The following KCNN3 variants were observed in gnomAD, a reference collection of about 807,000 sequenced individuals.
KCNN3 encodes potassium calcium-activated channel subfamily N member 3.
In KCNN3, 16 loss-of-function variants were observed where a neutral mutation model predicts 62.9. The observed-to-expected ratio is 0.25, with a 90% CI of 0.17 to 0.39. The LOEUF is 0.39. Among genes scored for constraint, KCNN3 ranks in the 10% least tolerant of loss-of-function variants. The pLI is 1.00. For synonymous variants in KCNN3, 370 were observed against 389.2 expected (o/e 0.95, Z 0.58); for missense variants, 599 against 949.4 (o/e 0.63, Z 4.85).
At chr1:154,722,037 G>A (rs1160522066) in intron 5 of KCNN3, among the ~76,000 whole-genome samples, 1 of 151,824 alleles carries the variant, frequency 6.6e-6, no homozygotes, top group Non-Finnish European at 1.5e-5. Context: ...CAGAAATTGA[G>A]TTCTTACCCA....
Position 154,703,317 on chromosome 1 carries a change from A to G in KCNN3, c.*4659T>C, listed in dbSNP as rs2101748776. On this transcript the variant is annotated 3_prime_UTR_variant, in exon 8 of 8. Transcript: ENST00000271915. ...ATGTTTATTTTGGCGGCAGTAGAGAAGGAAAGGATACTGTCTGGGGCGTCA... is the reference window on the plus strand; with the variant it reads ...ATGTTTATTTTGGCGGCAGTAGAGAGGGAAAGGATACTGTCTGGGGCGTCA... 1 of 152,238 alleles carries G rather than the reference A, an allele frequency of 6.6e-6. No individual in the cohort carries two copies. The highest frequency in any genetic ancestry group is 1.9e-4 in the East Asian group (1 of 5,182). The allele number at this position is 152,238 out of a possible 1,614,324, so 9.4% of individuals were successfully genotyped here.
chr1:154,737,952 A>T (rs1021157416), intron 3 of KCNN3, among the ~76,000 whole-genome samples: 1 of 152,014 alleles, frequency 6.6e-6, no homozygotes, highest in Non-Finnish European at 1.5e-5. Flanking sequence ...GAAAGAAAAT[A>T]TGAGAAAATT....
chr1:154,833,161 G>A (rs888766668), intron 1 of KCNN3, among the ~76,000 whole-genome samples: 1 of 151,986 alleles, frequency 6.6e-6, no homozygotes, highest in African/African-American at 2.4e-5. Flanking sequence ...TTCCAACTTC[G>A]TCAGAGAATT....
In KCNN3 at chr1:154,708,217, A is replaced by C. The variant is rs1469459005; in HGVS notation, c.1955T>G (p.Leu652Arg). Residue 652 changes from leucine to arginine, a missense_variant, in exon 8 of 8, where the codon CTG becomes CGG. Around this residue, in one of 7 missense-constraint regions of KCNN3, gnomAD observed 288 missense variants for 557.4 expected, o/e 0.52. Transcript: ENST00000271915. Reference protein sequence around the residue: ...ITELNDRSEDLEKQIGSLESK... With the variant: ...ITELNDRSEDREKQIGSLESK... ...CTCCAGGCTGCCAATCTGCTTCTCCAGGTCTTCGCTCCGGTCATTGAGTTC... is the reference window on the plus strand; with the variant it reads ...CTCCAGGCTGCCAATCTGCTTCTCCCGGTCTTCGCTCCGGTCATTGAGTTC... The C allele has an allele frequency of 6.2e-7, 1 of 1,613,896 alleles. No homozygotes were observed. The highest frequency in any genetic ancestry group is 8.5e-7 in the Non-Finnish European group (1 of 1,179,982).
At chr1:154,723,453 G>T (rs1006720084) in intron 5 of KCNN3, among the ~76,000 whole-genome samples, 10 of 152,242 alleles carry the variant, frequency 6.6e-5, no homozygotes, top group African/African-American at 2.2e-4. Context: ...TTTTCAAGAA[G>T]TGGAATTGAG....
At chr1:154,778,028 T>A (rs1355890351) in intron 2 of KCNN3, among the ~76,000 whole-genome samples, 1 of 152,244 alleles carries the variant, frequency 6.6e-6, no homozygotes, top group Non-Finnish European at 1.5e-5. Flanking sequence ...ATGACTGACC[T>A]GAAGATGCAA....
At chr1:154,710,969 T>C (rs989696123) in intron 7 of KCNN3, among the ~76,000 whole-genome samples, 10 of 152,156 alleles carry the variant, frequency 6.6e-5, no homozygotes, top group Non-Finnish European at 1.5e-4. Flanking sequence ...GAAACACCAT[T>C]TGACCCAGCC....
chr1:154,854,803 C>A (rs1571341661), intron 1 of KCNN3, among the ~76,000 whole-genome samples: 1 of 152,136 alleles, frequency 6.6e-6, no homozygotes, highest in South Asian at 2.1e-4. Flanking sequence ...AAAAATGCAT[C>A]TTTTTAAATA....
intron 2 of KCNN3, among the ~76,000 whole-genome samples, chr1:154,785,572 C>CTT (rs59033291): frequency 1.9e-4 from 20 of 107,960 alleles, no homozygotes; most frequent in African/African-American, 5.7e-4. Context: ...TTTTCTTTTT[C>CTT]TTTTTTTTTT....
chr1:154,806,271 A>G (rs1650170367), intron 2 of KCNN3, among the ~76,000 whole-genome samples: 1 of 152,236 alleles, frequency 6.6e-6, no homozygotes, highest in Non-Finnish European at 1.5e-5. Flanking sequence ...GCTGCCAAGA[A>G]CAGGCAAGAG....
At position 154,772,588 on chromosome 1, in the gene KCNN3, C is replaced by T. The variant is rs1385157273; in HGVS notation, c.1030-195G>A. ...GTAGGGAGAGCTGGATTCAGTCTAC[C>T]TGGGAAGCCCTGGCTAAGACACTTT... On this transcript the variant is annotated intron_variant, in intron 2 of 7. Coordinates refer to ENST00000271915, the MANE Select transcript of KCNN3 (RefSeq NM_002249.6). The surrounding 1 kb of genome is among the most constrained non-coding windows in gnomAD (Gnocchi z 5.6). 6.6e-6 allele frequency among the ~76,000 whole-genome samples: 1 copy of T among 152,218 alleles called. No individual in the cohort carries two copies. Among genetic ancestry groups the T allele is most frequent in the Non-Finnish European group, 1.5e-5 (1 of 68,030 alleles).
chr1:154,813,774 A>G (rs1650535752), intron 2 of KCNN3, among the ~76,000 whole-genome samples: 1 of 152,144 alleles, frequency 6.6e-6, no homozygotes, highest in African/African-American at 2.4e-5. Context: ...ACAGAAAGTC[A>G]ATACAGGCAG....
At chr1:154,778,939 AG>A (rs1648909853) in intron 2 of KCNN3, among the ~76,000 whole-genome samples, 1 of 152,158 alleles carries the variant, frequency 6.6e-6, no homozygotes, top group Non-Finnish European at 1.5e-5. Context: ...GTCTGAACTT[AG>A]CCATGTACCT....
intron 7 of KCNN3, among the ~76,000 whole-genome samples, chr1:154,711,450 A>C (rs1230359048): frequency 6.6e-6 from 1 of 151,724 alleles, no homozygotes; most frequent in Admixed American, 6.6e-5. Context: ...ATATGTAACA[A>C]ACCTGCACAT....
intron 1 of KCNN3, among the ~76,000 whole-genome samples, chr1:154,861,374 A>G (rs2101934455): frequency 6.6e-6 from 1 of 152,222 alleles, no homozygotes; most frequent in African/African-American, 2.4e-5. Flanking sequence ...TATTCCATCC[A>G]TCACTGTGCC....
intron 1 of KCNN3, among the ~76,000 whole-genome samples, chr1:154,849,080 G>A (rs1652205935): frequency 2.0e-5 from 3 of 152,128 alleles, no homozygotes; most frequent in African/African-American, 4.8e-5. Context: ...TTTGCTTCCC[G>A]AGGTGGCCAC....
At chr1:154,854,189 T>G (rs746070704) in intron 1 of KCNN3, among the ~76,000 whole-genome samples, 4 of 151,984 alleles carry the variant, frequency 2.6e-5, no homozygotes, top group Non-Finnish European at 4.4e-5. Context: ...GAGCCGAGAT[T>G]GGGCCACTGA....
chr1:154,753,633 C>A (rs1647491421), intron 3 of KCNN3, among the ~76,000 whole-genome samples: 1 of 152,228 alleles, frequency 6.6e-6, no homozygotes, highest in Non-Finnish European at 1.5e-5. Context: ...GATCATGAGC[C>A]TCCTTGAGCC....
intron 7 of KCNN3, among the ~76,000 whole-genome samples, chr1:154,712,110 T>A (rs896157352): frequency 6.6e-6 from 1 of 152,028 alleles, no homozygotes; most frequent in East Asian, 1.9e-4. Context: ...AGAGAAGAAA[T>A]GGTGAGAGAC....
Sources: allele counts gnomAD v4.1 joint callset (sites outside exome capture counted in the v4.1 genomes callset), GRCh38; gene constraint gnomAD v4.1.1; regional missense constraint gnomAD v4.1.1; non-coding constraint Gnocchi (gnomAD v3.1); transcripts MANE v1.5; gene names NCBI Gene and HGNC (gene_info 2026-07-23, HGNC 2026-07-21).